STPG2: variants seen among roughly 807,000 people sequenced by gnomAD.
STPG2 encodes the protein sperm tail PG-rich repeat containing 2.
In STPG2, 56 loss-of-function variants were observed where a neutral mutation model predicts 54.2. The ratio of observed to expected loss-of-function variants is 1.03; its 90% CI spans 0.83 to 1.29. The LOEUF (loss-of-function observed/expected upper bound fraction) is 1.29. Ranked by LOEUF, STPG2 falls within the 50% of genes most tolerant of loss-of-function variation. The pLI, the probability that STPG2 is intolerant of heterozygous loss-of-function variation, is 0.00. For missense variants in STPG2, 596 were observed against 544.9 expected, an observed-to-expected ratio of 1.09 and a Z score of -0.93; for synonymous variants, 200 against 181.8, an observed-to-expected ratio of 1.10 and a Z score of -0.81.
At chr4:98,032,388 C>CT (rs1214619295) in intron 5 of STPG2, among the ~76,000 whole-genome samples, 3 of 152,062 alleles carry the variant, frequency 2.0e-5, no homozygotes, top group African/African-American at 7.2e-5. Context: ...CAAACACCAC[C>CT]TGTAACCCAA....
intron 5 of STPG2, chr4:98,026,368 C>T: frequency 2.3e-6 from 1 of 443,598 alleles, no homozygotes; most frequent in Non-Finnish European, 4.0e-6. Context: ...TATTCCTCTG[C>T]CTCGACATTT....
At chr4:97,895,160 G>A (rs934550367) in intron 8 of STPG2, among the ~76,000 whole-genome samples, 2 of 151,604 alleles carry the variant, frequency 1.3e-5, no homozygotes, top group Admixed American at 6.6e-5. Flanking sequence ...GTGATGACAC[G>A]GTAATAATAA....
chr4:97,523,195 C>T (rs1731215601), intron 4 of STPG2, among the ~76,000 whole-genome samples: 1 of 151,812 alleles, frequency 6.6e-6, no homozygotes, highest in South Asian at 2.1e-4. Context: ...ATTTAGTGCA[C>T]TACACTATAA....
chr4:97,634,063 C>A (rs1721406975), intron 10 of STPG2, among the ~76,000 whole-genome samples: 1 of 152,208 alleles, frequency 6.6e-6, no homozygotes, highest in Non-Finnish European at 1.5e-5. Context: ...AAAAAGACCG[C>A]AGTAACCTCT....
chr4:97,700,357 G>A (rs142723950), intron 10 of STPG2, among the ~76,000 whole-genome samples: 47 of 152,338 alleles, frequency 3.1e-4, no homozygotes, highest in African/African-American at 1.1e-3. Context: ...ATGGGCCAGA[G>A]CAATACACCC....
intron 8 of STPG2, among the ~76,000 whole-genome samples, chr4:97,861,413 C>T (rs1729533217): frequency 2.0e-5 from 3 of 152,210 alleles, no homozygotes; most frequent in East Asian, 1.9e-4. Flanking sequence ...ATTAGTACAA[C>T]CACTTTGGAG....
chr4:97,909,718 G>GA (rs1015527940), intron 8 of STPG2, among the ~76,000 whole-genome samples: 6 of 151,958 alleles, frequency 3.9e-5, no homozygotes, highest in African/African-American at 9.7e-5. Flanking sequence ...CAATAGATTT[G>GA]AAAAAATGCT....
intron 5 of STPG2, among the ~76,000 whole-genome samples, chr4:98,034,553 G>A (rs554566104): frequency 5.3e-5 from 8 of 152,062 alleles, no homozygotes; most frequent in African/African-American, 1.4e-4. Flanking sequence ...AATGCTATCC[G>A]CATCAAGCTA....
chr4:97,588,645 G>A (rs1395758538), intron 10 of STPG2, among the ~76,000 whole-genome samples: 1 of 152,022 alleles, frequency 6.6e-6, no homozygotes, highest in East Asian at 1.9e-4. Flanking sequence ...GTTGGAACAC[G>A]ATTTCTGAAA....
chr4:97,692,163 A>T (rs560111965), intron 10 of STPG2, among the ~76,000 whole-genome samples: 1 of 152,222 alleles, frequency 6.6e-6, no homozygotes, highest in Non-Finnish European at 1.5e-5. Context: ...GCTCACCAGC[A>T]GTGGATCAAA....
intron 5 of STPG2, among the ~76,000 whole-genome samples, chr4:98,075,365 T>C (rs956515121): frequency 2.4e-4 from 37 of 152,230 alleles, no homozygotes; most frequent in African/African-American, 8.4e-4. Flanking sequence ...TCCTGAATCA[T>C]TGACTAAATT....
At chr4:97,694,965 G>C (rs928337432) in intron 10 of STPG2, among the ~76,000 whole-genome samples, 1 of 151,048 alleles carries the variant, frequency 6.6e-6, no homozygotes, top group Non-Finnish European at 1.5e-5. Flanking sequence ...AGAGAAAGAG[G>C]GAATCCTTCC....
intron 8 of STPG2, among the ~76,000 whole-genome samples, chr4:97,924,795 G>C (rs1189316688): frequency 6.6e-6 from 1 of 152,096 alleles, no homozygotes; most frequent in Non-Finnish European, 1.5e-5. Flanking sequence ...GTTTGCATCA[G>C]GGACCTTAAA....
chr4:98,116,385 T>A (rs1295319299), intron 3 of STPG2, among the ~76,000 whole-genome samples: 1 of 151,942 alleles, frequency 6.6e-6, no homozygotes, highest in Non-Finnish European at 1.5e-5. Flanking sequence ...TAGACCATAG[T>A]TATTTTTCTC....
chr4:97,671,430 A>G (rs1412902094), intron 10 of STPG2, among the ~76,000 whole-genome samples: 1 of 152,212 alleles, frequency 6.6e-6, no homozygotes, highest in South Asian at 2.1e-4. Context: ...TGCACTGTGT[A>G]ATAACAGTGC....
chr4:97,906,822 C>A (rs1731446094), intron 8 of STPG2, among the ~76,000 whole-genome samples: 1 of 152,174 alleles, frequency 6.6e-6, no homozygotes, highest in South Asian at 2.1e-4. Context: ...AACACCCCGT[C>A]AAACTAAAAA....
At position 97,737,850 on chromosome 4, in the gene STPG2, A is replaced by G. The variant is rs549978846; in HGVS notation, c.1205-25036T>C. 3.9e-5 allele frequency among the ~76,000 whole-genome samples: 6 copies of G among 152,334 alleles called. No homozygotes were observed. The East Asian group carries it at 9.7e-4, about 25-fold the overall frequency. ...GGCAGGCCAACATTCAGATTCAGGAAATACAGAGAATGCCACAAAGATACT... is the reference window on the plus strand; with the variant it reads ...GGCAGGCCAACATTCAGATTCAGGAGATACAGAGAATGCCACAAAGATACT... On this transcript the variant is annotated intron_variant, in intron 9 of 10. Coordinates refer to ENST00000295268, the MANE Select transcript of STPG2 (RefSeq NM_174952.3).
intron 2 of STPG2, among the ~76,000 whole-genome samples, chr4:98,133,247 C>T (rs1042277645): frequency 2.0e-5 from 3 of 151,972 alleles, no homozygotes; most frequent in African/African-American, 7.2e-5. Context: ...GAAATTACAT[C>T]ATAAAGATTC....
intron 9 of STPG2, among the ~76,000 whole-genome samples, chr4:97,736,135 T>A (rs1370714895): frequency 6.6e-6 from 1 of 151,914 alleles, no homozygotes; most frequent in Non-Finnish European, 1.5e-5. Flanking sequence ...AAATGTCAAT[T>A]CCTCAGAAAT....
Sources: allele counts gnomAD v4.1 joint callset (sites outside exome capture counted in the v4.1 genomes callset), GRCh38; gene constraint gnomAD v4.1.1; transcripts MANE v1.5; gene names NCBI Gene and HGNC (gene_info 2026-07-23, HGNC 2026-07-21).